Variants in HECTD2 observed in about 807,000 individuals in gnomAD.
HECTD2 encodes the protein HECT domain E3 ubiquitin protein ligase 2.
A neutral mutation model predicts 103.2 loss-of-function variants in HECTD2; 35 were observed. That is an observed-to-expected ratio of 0.34 (90% CI 0.26 to 0.45). The LOEUF (loss-of-function observed/expected upper bound fraction) is 0.45. Ranked by LOEUF, HECTD2 falls within the 20% of genes least tolerant of loss-of-function variation. The pLI is 1.00. For missense variants in HECTD2, 596 were observed against 937.4 expected, an observed-to-expected ratio of 0.64 and a Z score of 4.76; for synonymous variants, 281 against 329.9, an observed-to-expected ratio of 0.85 and a Z score of 1.61.
intron 2 of HECTD2, among the ~76,000 whole-genome samples, chr10:91,429,622 G>T (rs889338601): frequency 1.3e-5 from 2 of 152,034 alleles, no homozygotes; most frequent in Admixed American, 6.6e-5. Flanking sequence ...TGTATGTGTC[G>T]AGGAATTTAT....
intron 2 of HECTD2, among the ~76,000 whole-genome samples, chr10:91,449,319 TA>T (rs1396817571): frequency 2.0e-5 from 3 of 152,124 alleles, no homozygotes; most frequent in Admixed American, 2.0e-4. Flanking sequence ...AATAGATGTA[TA>T]AAAGGCCTCG....
intron 8 of HECTD2, among the ~76,000 whole-genome samples, chr10:91,483,725 A>G (rs950256146): frequency 3.3e-4 from 50 of 152,104 alleles, no homozygotes; most frequent in African/African-American, 1.1e-3. Flanking sequence ...TCAAGGGGAA[A>G]TACAGGGTTA....
intron 20 of HECTD2, among the ~76,000 whole-genome samples, chr10:91,511,048 A>C (rs2133394007): frequency 6.6e-6 from 1 of 152,330 alleles, no homozygotes; most frequent in East Asian, 1.9e-4. Context: ...CATAGACCAA[A>C]CACTGAGTAA....
chr10:91,457,974 A>G (rs1414540308), intron 2 of HECTD2, among the ~76,000 whole-genome samples: 1 of 151,460 alleles, frequency 6.6e-6, no homozygotes, highest in African/African-American at 2.4e-5. Context: ...CAGATTAGAA[A>G]ATAAGAAATA....
chr10:91,505,166 T>C (rs1024495615), intron 20 of HECTD2, among the ~76,000 whole-genome samples: 1 of 151,228 alleles, frequency 6.6e-6, no homozygotes, highest in African/African-American at 2.4e-5. Flanking sequence ...CGCTGCAAAA[T>C]CATGCCAAAA....
At chr10:91,411,483 T>G (rs1842915493) in intron 1 of HECTD2, among the ~76,000 whole-genome samples, 2 of 152,244 alleles carry the variant, frequency 1.3e-5, no homozygotes, top group South Asian at 4.1e-4. Flanking sequence ...ATAGTAAAAG[T>G]TTAGTGAACA....
chr10:91,435,147 T>C (rs913718702), intron 2 of HECTD2, among the ~76,000 whole-genome samples: 5 of 151,960 alleles, frequency 3.3e-5, no homozygotes, highest in Non-Finnish European at 7.4e-5. Context: ...AGAGCACTAC[T>C]GGCACTATAA....
intron 16 of HECTD2, among the ~76,000 whole-genome samples, chr10:91,498,471 C>T (rs1846769196): frequency 1.3e-5 from 2 of 152,160 alleles, no homozygotes; most frequent in African/African-American, 4.8e-5. Flanking sequence ...TAAGCCTCTC[C>T]TGTAACTTCA....
chr10:91,481,751 T>G (rs1846093285), intron 7 of HECTD2, among the ~76,000 whole-genome samples: 1 of 151,840 alleles, frequency 6.6e-6, no homozygotes, highest in South Asian at 2.1e-4. Context: ...ATTATTACCA[T>G]AGCTAGCATA....
At position 91,501,062 on chromosome 10, in the gene HECTD2, T is replaced by C. The variant is rs867879395; in HGVS notation, c.2067-129T>C. On this transcript the variant is annotated intron_variant, in intron 19 of 20. Coordinates refer to ENST00000298068, the MANE Select transcript of HECTD2 (RefSeq NM_182765.6). ...ACGTATATAGAAGCTCACCATTCCT[T>C]AATTTTACAGAAATTCAGGATATTA... is the stretch of plus-strand genomic sequence containing the variant. 8.5e-6 allele frequency: 6 copies of C among 702,046 alleles called. No homozygotes were observed. The Middle Eastern group carries it at 2.1e-3, about 242-fold the overall frequency. 43.5% of individuals were successfully genotyped at this position (702,046 alleles called of 1,614,324 possible).
Position 91,484,666 on chromosome 10 carries a change from A to T in HECTD2, c.970+11A>T, listed in dbSNP as rs771090753. ...TGTTGGCTTTACTTAGTAGGTTTTT[A>T]TTATTCTATCATTTTTTACTTTTCT... is the stretch of plus-strand genomic sequence containing the variant. On this transcript the variant is annotated intron_variant, in intron 9 of 20. Coordinates refer to ENST00000298068, the MANE Select transcript of HECTD2 (RefSeq NM_182765.6). 3.8e-6 allele frequency: 6 copies of T among 1,578,568 alleles called. No homozygotes were observed. The South Asian group carries it at 7.2e-5, about 19-fold the overall frequency.
intron 5 of HECTD2, among the ~76,000 whole-genome samples, chr10:91,472,253 A>G (rs1007930924): frequency 2.6e-5 from 4 of 152,222 alleles, no homozygotes; most frequent in Admixed American, 1.3e-4. Flanking sequence ...CGCTTGCTAT[A>G]TGTAAAAGAT....
chr10:91,415,417 A>G (rs572283177), intron 1 of HECTD2, among the ~76,000 whole-genome samples: 37 of 152,358 alleles, frequency 2.4e-4, no homozygotes, highest in African/African-American at 8.9e-4. Flanking sequence ...TATAACAATA[A>G]TAGCTACTTA....
At chr10:91,414,125 C>T (rs1843028880) in intron 1 of HECTD2, among the ~76,000 whole-genome samples, 1 of 152,046 alleles carries the variant, frequency 6.6e-6, no homozygotes, top group African/African-American at 2.4e-5. Context: ...ACTTCTACAC[C>T]TAATCAGGTG....
At chr10:91,413,182 G>A (rs1478227413) in intron 1 of HECTD2, among the ~76,000 whole-genome samples, 2 of 152,074 alleles carry the variant, frequency 1.3e-5, no homozygotes, top group Non-Finnish European at 2.9e-5. Context: ...TTATCAATAA[G>A]TAGAAGGTCA....
At position 91,500,060 on chromosome 10, in the gene HECTD2, C is replaced by A. The variant is rs78400350; in HGVS notation, c.1951-442C>A. ...GTTTTAGAGCTTTAATCTCTGTAGG[C>A]GGTAGACTAACCCACCTGAAAGTTG... On this transcript the variant is annotated intron_variant, in intron 18 of 20. Coordinates refer to ENST00000298068, the MANE Select transcript of HECTD2 (RefSeq NM_182765.6). 2.8e-3 allele frequency among the ~76,000 whole-genome samples: 421 copies of A among 152,002 alleles called. 2 individuals carry two copies. The highest frequency in any genetic ancestry group is 9.8e-3 in the African/African-American group (406 of 41,450).
chr10:91,463,341 T>A (rs1477306694), intron 5 of HECTD2: 2 of 152,204 alleles, frequency 1.3e-5, no homozygotes, highest in Admixed American at 1.3e-4. Flanking sequence ...ATCATAAAGG[T>A]CTTCATCCTT....
chr10:91,492,521 T>C (rs1449436514), intron 13 of HECTD2, 37 bp downstream of exon 13: 2 of 1,502,444 alleles, frequency 1.3e-6, no homozygotes, highest in Non-Finnish European at 9.2e-7. Context: ...ACTGTGTTTC[T>C]TCATAATTGT....
chr10:91,427,310 T>C (rs1245288307), intron 2 of HECTD2, among the ~76,000 whole-genome samples: 3 of 151,984 alleles, frequency 2.0e-5, no homozygotes, highest in South Asian at 4.1e-4. Context: ...GCAGTAAACA[T>C]ACGTGTGCAT....
Sources: gnomAD v4.1 joint callset for allele counts (sites outside exome capture counted in the v4.1 genomes callset) on GRCh38, gnomAD v4.1.1 for gene constraint, MANE v1.5 for transcripts, NCBI Gene and HGNC (gene_info 2026-07-23, HGNC 2026-07-21) for gene names.